EGFLAM: variants seen among roughly 807,000 people sequenced by gnomAD.
EGFLAM encodes the protein pikachurin.
Under a neutral mutation model 113.1 loss-of-function variants are expected in EGFLAM, and 79 were observed. That is an observed-to-expected ratio of 0.70 (90% CI 0.58 to 0.84). The LOEUF (loss-of-function observed/expected upper bound fraction) is 0.84. Ranked by LOEUF, EGFLAM falls within the 40% of genes least tolerant of loss-of-function variation. The pLI is 0.00. For missense variants in EGFLAM, 1,265 were observed against 1,291.6 expected, an observed-to-expected ratio of 0.98 and a Z score of 0.32; for synonymous variants, 504 against 487.6, an observed-to-expected ratio of 1.03 and a Z score of -0.44.
chr5:38,264,799 G>C (rs1188285587), intron 1 of EGFLAM, among the ~76,000 whole-genome samples: 1 of 152,106 alleles, frequency 6.6e-6, no homozygotes, highest in Non-Finnish European at 1.5e-5. Flanking sequence ...AAAAGCCGTG[G>C]GGCACTAGAA....
In EGFLAM at chr5:38,352,213, G is replaced by C. The variant is rs377637249; in HGVS notation, c.427G>C (p.Ala143Pro). 4.2e-5 allele frequency: 68 copies of C among 1,613,976 alleles called. No homozygotes were observed. The highest frequency in any genetic ancestry group is 5.7e-5 in the Non-Finnish European group (67 of 1,180,010). The change falls in exon 5 of 22, where the codon GCA becomes CCA. Residue 143 changes from alanine to proline, a missense_variant. Transcript: ENST00000322350. ...CCACCTAGATTCCTGCCTGCCTCCT[G>C]CAGCTCCCCAGCAGCCACATGTCAT... is the stretch of plus-strand genomic sequence containing the variant. ...TLSQDSCLPP[A>P]APQQPHVIVV...
intron 17 of EGFLAM, among the ~76,000 whole-genome samples, chr5:38,441,974 C>T (rs897097702): frequency 1.3e-5 from 2 of 152,172 alleles, no homozygotes; most frequent in Non-Finnish European, 2.9e-5. Context: ...AAAGCTAGGC[C>T]TAGCGCCTGT....
chr5:38,392,936 C>G (rs1382537621), intron 6 of EGFLAM, among the ~76,000 whole-genome samples: 1 of 152,072 alleles, frequency 6.6e-6, no homozygotes, highest in African/African-American at 2.4e-5. Context: ...TTAGTAGAGA[C>G]CATGTTGGCC....
intron 5 of EGFLAM, among the ~76,000 whole-genome samples, chr5:38,361,011 C>G (rs923406482): frequency 1.4e-5 from 2 of 147,090 alleles, no homozygotes; most frequent in Non-Finnish European, 3.0e-5. Context: ...TGTGCCACCA[C>G]GCCCAGCTAA....
intron 1 of EGFLAM, 83 bp downstream of exon 1, chr5:38,258,934 A>G (rs1757427334): frequency 2.8e-6 from 4 of 1,412,998 alleles, no homozygotes; most frequent in Non-Finnish European, 3.8e-6. Context: ...CGGGCAGCGC[A>G]CCGCCTCCCT....
chr5:38,358,289 T>C (rs918670933), intron 5 of EGFLAM, among the ~76,000 whole-genome samples: 1 of 149,904 alleles, frequency 6.7e-6, no homozygotes, highest in East Asian at 2.0e-4. Flanking sequence ...ACTAAAAAAT[T>C]CAAAAAAGTT....
intron 12 of EGFLAM, among the ~76,000 whole-genome samples, chr5:38,421,097 G>A (rs1194617976): frequency 6.6e-6 from 1 of 152,136 alleles, no homozygotes; most frequent in African/African-American, 2.4e-5. Context: ...GGAGGTCATG[G>A]TTCTCCATCT....
In EGFLAM at chr5:38,418,302, C is replaced by G. The variant is rs772331929; in HGVS notation, c.1684+47C>G. ...TGGGGTACTCTTATGGGACTTATGT[C>G]TTATGGGACTGCCTTTCTGGCTTGG... is the stretch of plus-strand genomic sequence containing the variant. On this transcript the variant is annotated intron_variant, in intron 12 of 21. Coordinates refer to ENST00000322350, the MANE Select transcript of EGFLAM (RefSeq NM_152403.4). 85 of 1,595,072 alleles carry G rather than the reference C, an allele frequency of 5.3e-5. 2 individuals are homozygous for G. The South Asian group carries it at 9.4e-4, about 18-fold the overall frequency.
intron 1 of EGFLAM, among the ~76,000 whole-genome samples, chr5:38,320,763 A>C (rs1406277096): frequency 1.3e-5 from 2 of 152,116 alleles, no homozygotes. Context: ...TAAAGGAGAC[A>C]GGGCTCTGGA....
chr5:38,390,652 C>T (rs1055343529), intron 6 of EGFLAM, among the ~76,000 whole-genome samples: 4 of 152,188 alleles, frequency 2.6e-5, no homozygotes, highest in Admixed American at 1.3e-4. Context: ...CTTGTCAACA[C>T]TTGGTATTAT....
intron 5 of EGFLAM, among the ~76,000 whole-genome samples, chr5:38,363,379 G>T (rs1160120898): frequency 2.0e-5 from 3 of 151,936 alleles, no homozygotes; most frequent in Non-Finnish European, 4.4e-5. Context: ...TAATTCAAGG[G>T]GTCCCTGGAC....
At chr5:38,366,502 A>G (rs1411738479) in intron 5 of EGFLAM, among the ~76,000 whole-genome samples, 1 of 152,202 alleles carries the variant, frequency 6.6e-6, no homozygotes, top group African/African-American at 2.4e-5. Context: ...TCATTTGCCA[A>G]TGGACTAGCC....
chr5:38,393,826 C>T (rs1740880021), intron 6 of EGFLAM, among the ~76,000 whole-genome samples: 1 of 152,226 alleles, frequency 6.6e-6, no homozygotes, highest in Admixed American at 6.5e-5. Context: ...AATAGCCAAC[C>T]AGCTTAGTAG....
chr5:38,269,184 G>GCAA (rs112504712), intron 1 of EGFLAM, among the ~76,000 whole-genome samples: 21 of 151,906 alleles, frequency 1.4e-4, no homozygotes, highest in Non-Finnish European at 2.2e-4. Flanking sequence ...TGCATCAACA[G>GCAA]CAACAACAAC....
Position 38,407,949 on chromosome 5 carries a change from A to C in EGFLAM, c.1248+44A>C, listed in dbSNP as rs189622919. The C allele has an allele frequency of 4.4e-5, 64 of 1,443,274 alleles. No homozygotes were observed. The Admixed American group carries it at 4.7e-4, about 11-fold the overall frequency. 89.4% of individuals were successfully genotyped at this position (1,443,274 alleles called of 1,614,324 possible). A position where few individuals can be genotyped will look rare whatever the true frequency, so the allele number is the denominator to read the frequency against. ...TTGATGAGTGCTTTTTGGACACTTT[A>C]ACACAGCAATGTGCTACATTCAAAG... On this transcript the variant is annotated intron_variant, in intron 9 of 21. Transcript: ENST00000322350.
chr5:38,462,713 T>G (rs1369276620), intron 20 of EGFLAM, 195 bp from the exon 21 acceptor site: 1 of 559,160 alleles, frequency 1.8e-6, no homozygotes, highest in African/African-American at 1.9e-5. Context: ...TTTGACTTTT[T>G]GTCTTCCTCA....
intron 1 of EGFLAM, among the ~76,000 whole-genome samples, chr5:38,303,894 G>A (rs1030269247): frequency 1.3e-5 from 2 of 152,084 alleles, no homozygotes; most frequent in African/African-American, 4.8e-5. Flanking sequence ...TCAGCACTTT[G>A]GGAGGCTGAG....
chr5:38,276,235 G>A (rs1053676766), intron 1 of EGFLAM, among the ~76,000 whole-genome samples: 11 of 152,096 alleles, frequency 7.2e-5, no homozygotes, highest in East Asian at 1.9e-4. Context: ...AGAACAACAC[G>A]GGAAGGACCT....
intron 11 of EGFLAM, among the ~76,000 whole-genome samples, 188 bp from the exon 12 acceptor site, chr5:38,417,878 A>G (rs143145848): frequency 1.0e-3 from 152 of 152,188 alleles, no homozygotes; most frequent in African/African-American, 3.5e-3. Context: ...TGAGAAACTC[A>G]CTGAGCTCCC....
Sources: allele counts gnomAD v4.1 joint callset (sites outside exome capture counted in the v4.1 genomes callset), GRCh38; gene constraint gnomAD v4.1.1; transcripts MANE v1.5; gene names NCBI Gene and HGNC (gene_info 2026-07-23, HGNC 2026-07-21).